ZNF490: variants seen among roughly 807,000 people sequenced by gnomAD.
The protein encoded by ZNF490 is zinc finger protein 490.
A neutral mutation model predicts 17.7 loss-of-function variants in ZNF490; 11 were observed. The ratio of observed to expected loss-of-function variants is 0.62; its 90% CI spans 0.39 to 1.03. The LOEUF (loss-of-function observed/expected upper bound fraction) is 1.03. Ranked by LOEUF, ZNF490 falls within the 50% of genes least tolerant of loss-of-function variation. The pLI is 0.00. For synonymous variants in ZNF490, 222 were observed against 216.1 expected, an observed-to-expected ratio of 1.03 and a Z score of -0.24; for missense variants, 542 against 643.4, an observed-to-expected ratio of 0.84 and a Z score of 1.71.
intron 2 of ZNF490, among the ~76,000 whole-genome samples, chr19:12,591,347 G>A (rs778386955): frequency 6.6e-6 from 1 of 151,088 alleles, no homozygotes; most frequent in African/African-American, 2.4e-5. Context: ...CCGAGATTAC[G>A]CCACTGCACT....
intron 2 of ZNF490, among the ~76,000 whole-genome samples, chr19:12,608,196 C>T (rs961867415): frequency 6.6e-6 from 1 of 152,132 alleles, no homozygotes; most frequent in African/African-American, 2.4e-5. Flanking sequence ...GTGCCTTATC[C>T]GTCTCTTGCA....
chr19:12,605,714 G>A (rs2023059977), intron 2 of ZNF490, among the ~76,000 whole-genome samples: 1 of 152,126 alleles, frequency 6.6e-6, no homozygotes, highest in Non-Finnish European at 1.5e-5. Context: ...TCCGTCTCCA[G>A]GTAGATACTG....
chr19:12,581,874 A>G (rs889001364), intron 4 of ZNF490, 150 bp from the exon 5 acceptor site: 15 of 631,720 alleles, frequency 2.4e-5, no homozygotes, highest in Non-Finnish European at 3.1e-5. Flanking sequence ...TATACTCAAT[A>G]GTCTAGAACA....
At position 12,578,660 on chromosome 19, in the gene ZNF490, C is replaced by T; in HGVS notation, c.*1825G>A. 1.0e-6 allele frequency: 1 copy of T among 985,448 alleles called. No individual in the cohort carries two copies. The highest frequency in any genetic ancestry group is 1.2e-6 in the Non-Finnish European group (1 of 829,948). The allele number at this position is 985,448 out of a possible 1,614,324, so 61.0% of individuals were successfully genotyped here. ...GATGCGAACCTTTGTCTTAGAAGTA[C>T]AGCATTCCCACAGTCTGACCCGAGG... On this transcript the variant is annotated 3_prime_UTR_variant, in exon 5 of 5. Transcript: ENST00000311437.
rs1489921610 is a variant in ZNF490, at chr19:12,577,607, C to T, written c.*2878G>A. The T allele has an allele frequency of 1.0e-6, 1 of 985,360 alleles. No homozygotes were observed. The highest frequency in any genetic ancestry group is 1.7e-5 in the African/African-American group (1 of 57,242). 61.0% of individuals were successfully genotyped at this position (985,360 alleles called of 1,614,324 possible). A position where few individuals can be genotyped will look rare whatever the true frequency, so the allele number is the denominator to read the frequency against. ...GTCCTCCACTGCATCTCCACAGTAGCCGTCACTTCCACTGAGGCCTCATCT... is the reference window on the plus strand; with the variant it reads ...GTCCTCCACTGCATCTCCACAGTAGTCGTCACTTCCACTGAGGCCTCATCT... On this transcript the variant is annotated 3_prime_UTR_variant, in exon 5 of 5. Transcript: ENST00000311437.
chr19:12,584,341 A>G lies in ZNF490; in HGVS notation c.163-785T>C, dbSNP rs1359791701. 3.4e-5 allele frequency among the ~76,000 whole-genome samples: 3 copies of G among 87,546 alleles called. 1 individual carries two copies. The highest frequency in any genetic ancestry group is 1.0e-4 in the African/African-American group (3 of 29,032). The allele number at this position is 87,546 out of a possible 152,430, so 57.4% of individuals were successfully genotyped here. A position where few individuals can be genotyped will look rare whatever the true frequency, so the allele number is the denominator to read the frequency against. ...CCAGCTAATTTTTTGTATTTTTAGT[A>G]GAGACGGGGTTTCACCATGTTAGCC... is the stretch of plus-strand genomic sequence containing the variant. On this transcript the variant is annotated intron_variant, in intron 2 of 4. Coordinates refer to ENST00000311437, the MANE Select transcript of ZNF490 (RefSeq NM_020714.3).
intron 2 of ZNF490, among the ~76,000 whole-genome samples, chr19:12,595,327 G>T (rs2145154589): frequency 6.6e-6 from 1 of 151,970 alleles, no homozygotes; most frequent in South Asian, 2.1e-4. Flanking sequence ...AGAGAAGGGG[G>T]TTTCTCCATG....
chr19:12,608,532 G>A (rs1014584363), intron 2 of ZNF490, among the ~76,000 whole-genome samples: 9 of 151,586 alleles, frequency 5.9e-5, no homozygotes, highest in African/African-American at 1.2e-4. Flanking sequence ...GTACAGTGGC[G>A]CGATCTCAGC....
rs1302090230 is a variant in ZNF490, at chr19:12,609,158, A to G, written c.162T>C (p.Thr54=). 2 of 1,614,098 alleles carry G rather than the reference A, an allele frequency of 1.2e-6. No individual in the cohort carries two copies. The highest frequency in any genetic ancestry group is 1.7e-5 in the Admixed American group (1 of 60,014). The change falls in exon 2 of 5, where the codon ACT becomes ACC. Residue 54 remains threonine, a splice_region_variant and synonymous_variant. Transcript: ENST00000311437. Reference sequence around the variant, plus strand: ...GCTGACAGGTAGCGATCTCACTTACAGTTTGAGTCTTGATGCTTTGTCCAT... The same window carrying G: ...GCTGACAGGTAGCGATCTCACTTACGGTTTGAGTCTTGATGCTTTGTCCAT... ...EHHGQSIKTQ[T]DSISLEDVAV...
At chr19:12,603,171 A>G (rs1028154325) in intron 2 of ZNF490, among the ~76,000 whole-genome samples, 3 of 152,138 alleles carry the variant, frequency 2.0e-5, no homozygotes, top group African/African-American at 2.4e-5. Context: ...AAAACCTTGT[A>G]ATTTCCTAAG....
intron 1 of ZNF490, 90 bp downstream of exon 1, chr19:12,610,474 T>C (rs2023134784): frequency 2.8e-6 from 3 of 1,081,004 alleles, no homozygotes; most frequent in Non-Finnish European, 4.2e-6. Context: ...ACCACACTTT[T>C]TATTACACAT....
chr19:12,601,557 T>A (rs1353108012), intron 2 of ZNF490, among the ~76,000 whole-genome samples: 1 of 151,788 alleles, frequency 6.6e-6, no homozygotes, highest in Non-Finnish European at 1.5e-5. Context: ...CCTGGCTAAT[T>A]TTTTTTTATA....
intron 2 of ZNF490, among the ~76,000 whole-genome samples, chr19:12,596,684 C>G (rs1255696197): frequency 6.6e-6 from 1 of 152,134 alleles, no homozygotes; most frequent in African/African-American, 2.4e-5. Flanking sequence ...AATTCCCAAA[C>G]TTGAGAGCGG....
At position 12,601,339 on chromosome 19, in the gene ZNF490, T is replaced by C. The variant is rs148327142; in HGVS notation, c.162+7819A>G. 1.2e-3 allele frequency among the ~76,000 whole-genome samples: 175 copies of C among 151,370 alleles called. 2 individuals are homozygous for C. In the South Asian group the frequency reaches 0.018, roughly 15 times the overall value. ...GGAGGCGAAGGTTGCAATGAGCCGA[T>C]ATTGCGCCATTGCACTCTAGCCTGG... On this transcript the variant is annotated intron_variant, in intron 2 of 4. Transcript: ENST00000311437.
rs985196213 is a variant in ZNF490 at position 12,578,117 on chromosome 19, G to A, written c.*2368C>T. 9 of 985,392 alleles carry A rather than the reference G, an allele frequency of 9.1e-6. No individual in the cohort carries two copies. Among genetic ancestry groups the A allele is most frequent in the Non-Finnish European group, 1.1e-5 (9 of 830,038 alleles). The allele number at this position is 985,392 out of a possible 1,614,324, so 61.0% of individuals were successfully genotyped here. A position where few individuals can be genotyped will look rare whatever the true frequency, so the allele number is the denominator to read the frequency against. ...CTTTTCCAAGAAGAGCTAAGTGCTA[G>A]TCTTAGCGGGAGGCTAGGAAACCAG... On this transcript the variant is annotated 3_prime_UTR_variant, in exon 5 of 5. Transcript: ENST00000311437.
At position 12,577,651 on chromosome 19, in the gene ZNF490, A is replaced by C; in HGVS notation, c.*2834T>G. ...CTCATCTGCCAGCAAACCTTGCTCC[A>C]GTCGGCCTCTGGACCCTAGTATCTT... On this transcript the variant is annotated 3_prime_UTR_variant, in exon 5 of 5. Transcript: ENST00000311437. 1.0e-6 allele frequency: 1 copy of C among 985,476 alleles called. No homozygotes were observed. The highest frequency in any genetic ancestry group is 1.2e-6 in the Non-Finnish European group (1 of 829,954). 61.0% of individuals were successfully genotyped at this position (985,476 alleles called of 1,614,324 possible).
chr19:12,610,736 C>T lies in ZNF490; in HGVS notation c.-56G>A. The T allele has an allele frequency of 6.5e-7, 1 of 1,547,750 alleles. No homozygotes were observed. The highest frequency in any genetic ancestry group is 8.9e-7 in the Non-Finnish European group (1 of 1,125,180). On this transcript the variant is annotated 5_prime_UTR_variant, in exon 1 of 5. Coordinates refer to ENST00000311437, the MANE Select transcript of ZNF490 (RefSeq NM_020714.3). ...AAGACTTCCGTGTCCGACCCGAGAT[C>T]CGGAACAATTTCTGCTTCAACACAA...
chr19:12,607,407 C>T (rs2145169492), intron 2 of ZNF490, among the ~76,000 whole-genome samples: 1 of 151,954 alleles, frequency 6.6e-6, no homozygotes, highest in South Asian at 2.1e-4. Flanking sequence ...ACACCTAGTC[C>T]TAGTTCCAGC....
At position 12,585,533 on chromosome 19, in the gene ZNF490, G is replaced by A. The variant is rs553534067; in HGVS notation, c.163-1977C>T. 2.2e-5 allele frequency among the ~76,000 whole-genome samples: 2 copies of A among 92,710 alleles called. 1 individual carries two copies. The highest frequency in any genetic ancestry group is 5.8e-5 in the Non-Finnish European group (2 of 34,502). 60.8% of individuals were successfully genotyped at this position (92,710 alleles called of 152,430 possible). On this transcript the variant is annotated intron_variant, in intron 2 of 4. Transcript: ENST00000311437. ...ACTCATGAAATTCCAAGAGATTTAG[G>A]AACTCTGTACTAGGAACCACACACA...
Sources: allele counts gnomAD v4.1 joint callset (sites outside exome capture counted in the v4.1 genomes callset), GRCh38; gene constraint gnomAD v4.1.1; transcripts MANE v1.5; gene names NCBI Gene and HGNC (gene_info 2026-07-23, HGNC 2026-07-21).